Variants in CHRM3 observed in about 807,000 individuals in gnomAD.
CHRM3 encodes cholinergic receptor muscarinic 3.
CHRM3 carries 11 observed loss-of-function variants against 41.8 expected under a neutral mutation model. The ratio of observed to expected loss-of-function variants is 0.26; its 90% CI spans 0.17 to 0.44. The LOEUF is 0.44. CHRM3 is among the 20% of genes least tolerant of loss of function. The pLI is 1.00. For synonymous variants in CHRM3, 297 were observed against 301.4 expected (o/e 0.99, Z 0.15); for missense variants, 571 against 745.4 (o/e 0.77, Z 2.72).
chr1:239,802,913 T>A (rs1295839083), intron 5 of CHRM3, among the ~76,000 whole-genome samples: 1 of 152,202 alleles, frequency 6.6e-6, no homozygotes, highest in East Asian at 1.9e-4. Context: ...TAGTTATTTC[T>A]AAATCTTAAT....
At chr1:239,759,994 A>G (rs980383540) in intron 5 of CHRM3, among the ~76,000 whole-genome samples, 3 of 151,930 alleles carry the variant, frequency 2.0e-5, no homozygotes, top group Non-Finnish European at 4.4e-5. Context: ...GACTCACTGC[A>G]AGCTCTGCCT....
chr1:239,609,831 G>A (rs1176721548), intron 3 of CHRM3, among the ~76,000 whole-genome samples: 1 of 152,032 alleles, frequency 6.6e-6, no homozygotes, highest in East Asian at 1.9e-4. Context: ...TTTCTACTGG[G>A]CTGTTTGTCT....
intron 5 of CHRM3, among the ~76,000 whole-genome samples, chr1:239,692,096 G>T (rs1332550021): frequency 6.6e-6 from 1 of 152,128 alleles, no homozygotes; most frequent in Non-Finnish European, 1.5e-5. Flanking sequence ...TTGCTCTTAG[G>T]CATCTTGAGC....
intron 1 of CHRM3, among the ~76,000 whole-genome samples, chr1:239,448,355 A>G (rs79210616): frequency 1.3e-5 from 2 of 152,342 alleles, no homozygotes; most frequent in East Asian, 1.9e-4. Flanking sequence ...CTGATTAGTC[A>G]AATTATTAAC....
In CHRM3 at chr1:239,907,586, A is replaced by C. The variant is rs753116253; in HGVS notation, c.135A>C (p.Ala45=). Residue 45 remains alanine, a synonymous_variant, in exon 7 of 7, where the codon GCA becomes GCC. Transcript: ENST00000676153. The surrounding 1 kb of genome is among the most constrained non-coding windows in gnomAD (Gnocchi z 5.4). ...THFGSYNVSR[A]AGNFSSPDGT... ...TCGGCAGCTACAATGTTTCTCGAGC[A>C]GCTGGCAATTTCTCCTCTCCAGACG... 6.2e-7 allele frequency: 1 copy of C among 1,614,164 alleles called. No homozygotes were observed. Among genetic ancestry groups the C allele is most frequent in the Non-Finnish European group, 8.5e-7 (1 of 1,180,040 alleles).
rs1680247497 is a variant in CHRM3, at chr1:239,909,659, G to T, written c.*435G>T. The T allele has an allele frequency of 5.8e-6, 1 of 171,972 alleles. No homozygotes were observed. Among genetic ancestry groups the T allele is most frequent in the South Asian group, 2.0e-4 (1 of 5,120 alleles). 10.7% of individuals were successfully genotyped at this position (171,972 alleles called of 1,614,324 possible). A position where few individuals can be genotyped will look rare whatever the true frequency, so the allele number is the denominator to read the frequency against. On this transcript the variant is annotated 3_prime_UTR_variant, in exon 7 of 7. Transcript: ENST00000676153. ...CCAGACCCCAAGTGGAACACTGCAGGCTTACGAATCTGTGGTTCCAAAATT... is the reference window on the plus strand; with the variant it reads ...CCAGACCCCAAGTGGAACACTGCAGTCTTACGAATCTGTGGTTCCAAAATT...
intron 2 of CHRM3, among the ~76,000 whole-genome samples, chr1:239,525,921 C>G (rs1331752948): frequency 6.6e-6 from 1 of 152,176 alleles, no homozygotes; most frequent in East Asian, 1.9e-4. Context: ...CACCCCAATT[C>G]CAGTTAAATC....
chr1:239,837,228 C>T (rs183529841), intron 6 of CHRM3, among the ~76,000 whole-genome samples: 2,527 of 152,160 alleles, frequency 0.017, 77 homozygotes, highest in African/African-American at 0.058. Context: ...CCATGCTTGC[C>T]CTTTGAAGAG....
chr1:239,888,411 C>A (rs1457789208), intron 6 of CHRM3, among the ~76,000 whole-genome samples: 1 of 150,950 alleles, frequency 6.6e-6, no homozygotes, highest in Non-Finnish European at 1.5e-5. Flanking sequence ...GGCAACATAG[C>A]AAGACCCTGT....
chr1:239,852,391 A>C (rs569062524), intron 6 of CHRM3, among the ~76,000 whole-genome samples: 1 of 152,140 alleles, frequency 6.6e-6, no homozygotes, highest in Admixed American at 6.6e-5. Flanking sequence ...TTTCAATATA[A>C]TGGTCATGAT....
At chr1:239,422,072 A>G (rs111895791) in intron 1 of CHRM3, among the ~76,000 whole-genome samples, 81 of 152,342 alleles carry the variant, frequency 5.3e-4, no homozygotes, top group African/African-American at 1.9e-3. Context: ...ATAATAAATG[A>G]TGCAAGAGAC....
At chr1:239,690,094 C>T (rs1311328347) in intron 5 of CHRM3, among the ~76,000 whole-genome samples, 1 of 151,838 alleles carries the variant, frequency 6.6e-6, no homozygotes, top group African/African-American at 2.4e-5. Flanking sequence ...GTGGAGTTCT[C>T]CTTTTCTTCA....
At chr1:239,638,385 T>A (rs1254594573) in intron 4 of CHRM3, among the ~76,000 whole-genome samples, 1 of 152,094 alleles carries the variant, frequency 6.6e-6, no homozygotes, top group Non-Finnish European at 1.5e-5. Context: ...ACCAGCAGTG[T>A]AAAATTGTTC....
At chr1:239,441,958 T>C (rs1442941400) in intron 1 of CHRM3, among the ~76,000 whole-genome samples, 1 of 152,208 alleles carries the variant, frequency 6.6e-6, no homozygotes, top group Non-Finnish European at 1.5e-5. Context: ...AAATACATGA[T>C]TTATGTTTTA....
At chr1:239,615,696 G>A (rs567995069) in intron 3 of CHRM3, among the ~76,000 whole-genome samples, 1 of 151,724 alleles carries the variant, frequency 6.6e-6, no homozygotes, top group South Asian at 2.1e-4. Context: ...CCTCATCCCA[G>A]GTGTAATTGA....
chr1:239,538,033 G>A (rs1471934031), intron 2 of CHRM3, among the ~76,000 whole-genome samples: 1 of 152,146 alleles, frequency 6.6e-6, no homozygotes, highest in Non-Finnish European at 1.5e-5. Flanking sequence ...TGTTAATTAT[G>A]ATATTGCTCC....
chr1:239,613,255 G>A (rs1304766959), intron 3 of CHRM3, among the ~76,000 whole-genome samples: 1 of 152,170 alleles, frequency 6.6e-6, no homozygotes, highest in South Asian at 2.1e-4. Context: ...ACAAGCAAAG[G>A]CCAAACATTT....
At chr1:239,768,852 C>T (rs1480173489) in intron 5 of CHRM3, among the ~76,000 whole-genome samples, 2 of 151,996 alleles carry the variant, frequency 1.3e-5, no homozygotes, top group Non-Finnish European at 2.9e-5. Context: ...GCAACCTCCA[C>T]CTCCTGGGTT....
In CHRM3 at chr1:239,597,243, T is replaced by C. The variant is rs983259334; in HGVS notation, c.-312-34981T>C. On this transcript the variant is annotated intron_variant, in intron 3 of 6. Coordinates refer to ENST00000676153, the MANE Select transcript of CHRM3 (RefSeq NM_001375978.1). ...TGGGCACCGGAGAAAAAAGAAGGTA[T>C]AGGATATGTTCTCTTTTCTCTAAGA... Among the ~76,000 whole-genome samples, 9 of 152,164 alleles carry C rather than the reference T, an allele frequency of 5.9e-5. No individual in the cohort carries two copies. The East Asian group carries it at 9.6e-4, about 16-fold the overall frequency.
Sources: gnomAD v4.1 joint callset for allele counts (sites outside exome capture counted in the v4.1 genomes callset) on GRCh38, gnomAD v4.1.1 for gene constraint, Gnocchi (gnomAD v3.1) non-coding constraint, MANE v1.5 for transcripts, NCBI Gene and HGNC (gene_info 2026-07-23, HGNC 2026-07-21) for gene names.